The following SPAG16 variants were observed in gnomAD, a reference collection of about 807,000 sequenced individuals.
The protein encoded by SPAG16 is sperm-associated antigen 16 protein.
Under a neutral mutation model 80.4 loss-of-function variants are expected in SPAG16, and 86 were observed. That is an observed-to-expected ratio of 1.07 (90% CI 0.90 to 1.28). The LOEUF is 1.28. Ranked by LOEUF, SPAG16 falls within the 50% of genes most tolerant of loss-of-function variation. SPAG16 has a pLI of 0.00. For missense variants in SPAG16, 870 were observed against 765.3 expected, an observed-to-expected ratio of 1.14 and a Z score of -1.61; for synonymous variants, 294 against 265.9, an observed-to-expected ratio of 1.11 and a Z score of -1.03.
At chr2:213,658,310 C>T (rs1287004241) in intron 10 of SPAG16, among the ~76,000 whole-genome samples, 1 of 152,126 alleles carries the variant, frequency 6.6e-6, no homozygotes, top group African/African-American at 2.4e-5. Flanking sequence ...CTTCTGCTAT[C>T]AACTTCCTCA....
chr2:214,301,071 G>T (rs1251385282), intron 15 of SPAG16, among the ~76,000 whole-genome samples: 1 of 136,878 alleles, frequency 7.3e-6, no homozygotes, highest in Non-Finnish European at 1.6e-5. Flanking sequence ...AATAATAAAA[G>T]TTAGCAAGCT....
chr2:213,654,807 C>G (rs1204023187), intron 10 of SPAG16, among the ~76,000 whole-genome samples: 1 of 151,662 alleles, frequency 6.6e-6, no homozygotes. Context: ...GCACCACTAT[C>G]AATATTATAT....
At chr2:213,674,916 A>G (rs550245224) in intron 10 of SPAG16, among the ~76,000 whole-genome samples, 1,508 of 143,422 alleles carry the variant, frequency 0.011, 30 homozygotes, top group African/African-American at 0.041. Flanking sequence ...GGGATGGCTG[A>G]GTCAAATGGT....
At chr2:214,356,279 C>T (rs996657352) in intron 15 of SPAG16, among the ~76,000 whole-genome samples, 1 of 151,766 alleles carries the variant, frequency 6.6e-6, no homozygotes, top group Non-Finnish European at 1.5e-5. Context: ...GTTAAATAAA[C>T]ACATTGCTTG....
Position 214,039,972 on chromosome 2 carries a change from A to T in SPAG16, c.1527+25895A>T, listed in dbSNP as rs529259459. Among the ~76,000 whole-genome samples the T allele has an allele frequency of 2.0e-5, 3 of 152,218 alleles. No homozygotes were observed. The South Asian group carries it at 6.2e-4, about 32-fold the overall frequency. On this transcript the variant is annotated intron_variant, in intron 13 of 15. Coordinates refer to ENST00000331683, the MANE Select transcript of SPAG16 (RefSeq NM_024532.5). Reference sequence around the variant, plus strand: ...GGGGTACAGTCATAGGGTTGTAGAAAATTGTCCTTCTGCACACTCAGTCAT... The same window carrying T: ...GGGGTACAGTCATAGGGTTGTAGAATATTGTCCTTCTGCACACTCAGTCAT...
intron 15 of SPAG16, among the ~76,000 whole-genome samples, chr2:214,161,187 T>C (rs2125602373): frequency 6.6e-6 from 1 of 152,292 alleles, no homozygotes; most frequent in South Asian, 2.1e-4. Flanking sequence ...AACATTTTCT[T>C]TATCCAGTCT....
rs1400386566 is a variant in SPAG16 at position 213,293,184 on chromosome 2, G to A, written c.137-2880G>A. Among the ~76,000 whole-genome samples, 2 of 152,140 alleles carry A rather than the reference G, an allele frequency of 1.3e-5. 1 individual carries two copies. The highest frequency in any genetic ancestry group is 2.9e-5 in the Non-Finnish European group (2 of 68,044). The stretch of plus-strand genomic sequence containing the variant: ...TTGCACCCATTCTCTCTTTCATGGT[G>A]CCCTGTGAAGAAGTGCCTTCCGCCA... On this transcript the variant is annotated intron_variant, in intron 1 of 15. Transcript: ENST00000331683.
chr2:213,654,246 G>A (rs1224412659), intron 10 of SPAG16, among the ~76,000 whole-genome samples: 1 of 152,030 alleles, frequency 6.6e-6, no homozygotes, highest in Admixed American at 6.6e-5. Flanking sequence ...TCAATACAAA[G>A]GGTTCTGAAC....
At chr2:213,951,975 G>C (rs898276309) in intron 12 of SPAG16, among the ~76,000 whole-genome samples, 1 of 152,088 alleles carries the variant, frequency 6.6e-6, no homozygotes, top group Non-Finnish European at 1.5e-5. Flanking sequence ...ATGTTATAAA[G>C]AATATCCTTG....
At chr2:213,706,733 T>G (rs950298154) in intron 10 of SPAG16, among the ~76,000 whole-genome samples, 5 of 140,446 alleles carry the variant, frequency 3.6e-5, no homozygotes, top group South Asian at 2.1e-4. Context: ...AAACTTTTTG[T>G]TTTTTTTCCT....
chr2:213,580,914 T>C (rs1225903177), intron 10 of SPAG16, among the ~76,000 whole-genome samples: 1 of 152,134 alleles, frequency 6.6e-6, no homozygotes, highest in African/African-American at 2.4e-5. Flanking sequence ...TGTGTGTTTT[T>C]TTACTATTTA....
chr2:213,315,570 C>T (rs1236017480), intron 4 of SPAG16, among the ~76,000 whole-genome samples: 4 of 151,986 alleles, frequency 2.6e-5, no homozygotes, highest in Non-Finnish European at 4.4e-5. Context: ...CTAAGTTCAT[C>T]TTGATTCCCT....
chr2:213,412,036 G>A (rs946537104), intron 9 of SPAG16, among the ~76,000 whole-genome samples: 1 of 152,026 alleles, frequency 6.6e-6, no homozygotes, highest in Non-Finnish European at 1.5e-5. Flanking sequence ...AAACTTCCTC[G>A]TGAAGCAACC....
chr2:214,019,188 G>A (rs116204247), intron 13 of SPAG16, among the ~76,000 whole-genome samples: 2,198 of 152,162 alleles, frequency 0.014, 32 homozygotes, highest in Middle Eastern at 0.048. Flanking sequence ...GTAAGAAAAG[G>A]CTCAATGTAC....
intron 10 of SPAG16, among the ~76,000 whole-genome samples, chr2:213,758,571 C>T (rs954599458): frequency 1.3e-5 from 2 of 151,712 alleles, no homozygotes; most frequent in African/African-American, 2.4e-5. Context: ...TTTACTAGAG[C>T]GATTCAAAGG....
At chr2:214,226,453 T>C (rs1357746349) in intron 15 of SPAG16, among the ~76,000 whole-genome samples, 1 of 152,042 alleles carries the variant, frequency 6.6e-6, no homozygotes, top group East Asian at 1.9e-4. Context: ...ACAAGAACTT[T>C]AAAGAGCAAA....
intron 10 of SPAG16, among the ~76,000 whole-genome samples, chr2:213,516,180 T>G (rs1322826481): frequency 6.6e-6 from 1 of 152,182 alleles, no homozygotes; most frequent in Non-Finnish European, 1.5e-5. Flanking sequence ...AGAGAAAGAT[T>G]AAGAACCTAC....
chr2:213,447,851 G>A (rs1301126695), intron 9 of SPAG16, among the ~76,000 whole-genome samples: 3 of 152,208 alleles, frequency 2.0e-5, no homozygotes, highest in African/African-American at 7.2e-5. Flanking sequence ...AGCTCAAGAA[G>A]GAATCTGGAT....
intron 11 of SPAG16, among the ~76,000 whole-genome samples, chr2:213,894,640 G>A (rs978437259): frequency 7.9e-5 from 12 of 152,132 alleles, no homozygotes; most frequent in Non-Finnish European, 1.2e-4. Flanking sequence ...TATCCAAATT[G>A]GAATGGAATA....
Sources: gnomAD v4.1 joint callset for allele counts (sites outside exome capture counted in the v4.1 genomes callset) on GRCh38, gnomAD v4.1.1 for gene constraint, MANE v1.5 for transcripts, NCBI Gene and HGNC (gene_info 2026-07-23, HGNC 2026-07-21) for gene names.